Variants in NDUFS4 observed in about 807,000 individuals in gnomAD.
NDUFS4 encodes the protein NADH:ubiquinone oxidoreductase subunit S4, also known as NADH dehydrogenase [ubiquinone] iron-sulfur protein 4, mitochondrial.
NDUFS4 carries 28 observed loss-of-function variants against 24.3 expected under a neutral mutation model. That is an observed-to-expected ratio of 1.15 (90% CI 0.85 to 1.58). The LOEUF (loss-of-function observed/expected upper bound fraction) is 1.58, where lower values mean the gene tolerates loss of function less well. Among genes scored for constraint, NDUFS4 ranks in the 40% most tolerant of loss-of-function variants. The pLI is 0.00. For synonymous variants in NDUFS4, 93 were observed against 69.7 expected, an observed-to-expected ratio of 1.34 and a Z score of -1.67; for missense variants, 223 against 207.9, an observed-to-expected ratio of 1.07 and a Z score of -0.45.
At chr5:53,633,066 C>A (rs985328024) in intron 2 of NDUFS4, among the ~76,000 whole-genome samples, 2 of 152,176 alleles carry the variant, frequency 1.3e-5, no homozygotes, top group African/African-American at 4.8e-5. Context: ...TATGCTTTAT[C>A]AAGACTCAGC....
intron 1 of NDUFS4, chr5:53,573,735 T>C (rs1453757353): frequency 6.9e-6 from 2 of 288,760 alleles, no homozygotes; most frequent in Non-Finnish European, 1.4e-5. Context: ...ACTATAGGCA[T>C]GTACCACTAA....
At chr5:53,605,780 T>A (rs1468494898) in intron 2 of NDUFS4, among the ~76,000 whole-genome samples, 1 of 152,060 alleles carries the variant, frequency 6.6e-6, no homozygotes, top group Admixed American at 6.6e-5. Context: ...TTTGGGAGGC[T>A]GAGGCGGGCA....
rs1281720859 is a variant in NDUFS4, at chr5:53,658,609, T to C, written c.409T>C (p.Phe137Leu). 1 of 1,612,484 alleles carries C rather than the reference T, an allele frequency of 6.2e-7. No individual in the cohort carries two copies. Among genetic ancestry groups the C allele is most frequent in the African/African-American group, 1.3e-5 (1 of 74,820 alleles). Residue 137 changes from phenylalanine (F) to leucine (L), a missense_variant, in exon 4 of 5, where the codon TTT becomes CTT. By Grantham distance (22) the Phe-to-Leu change is conservative. Transcript: ENST00000296684. ...TFSTKEDAVS[F>L]AEKNGWSYDI... The stretch of plus-strand genomic sequence containing the variant: ...CAGTACTAAAGAAGATGCAGTTTCC[T>C]TTGCAGAAAAAAATGGTATGTTTGG...
intron 4 of NDUFS4, among the ~76,000 whole-genome samples, chr5:53,680,838 TATAATA>T (rs1008434499): frequency 6.6e-6 from 1 of 151,804 alleles, no homozygotes; most frequent in Non-Finnish European, 1.5e-5. Context: ...TAAAACTTAG[TATAATA>T]ATAATAAAAA....
intron 3 of NDUFS4, among the ~76,000 whole-genome samples, chr5:53,656,819 G>A (rs1207656752): frequency 2.0e-5 from 3 of 152,100 alleles, no homozygotes; most frequent in Non-Finnish European, 4.4e-5. Context: ...AGTCAAGGAG[G>A]CAGAAAGATT....
chr5:53,661,691 T>C (rs192548011), intron 4 of NDUFS4, among the ~76,000 whole-genome samples: 3 of 152,350 alleles, frequency 2.0e-5, no homozygotes, highest in African/African-American at 7.2e-5. Context: ...CAGTGGTTTG[T>C]AGTTCTCCTT....
At chr5:53,676,616 A>C (rs1015214440) in intron 4 of NDUFS4, among the ~76,000 whole-genome samples, 1 of 152,198 alleles carries the variant, frequency 6.6e-6, no homozygotes, top group Non-Finnish European at 1.5e-5. Context: ...ACCAAAAAGC[A>C]GCACAGAAAT....
rs752077104 is a variant in NDUFS4, at chr5:53,683,191, G to A, written c.498G>A (p.Trp166Ter). The A allele has an allele frequency of 1.2e-6, 2 of 1,610,944 alleles. No individual in the cohort carries two copies. The highest frequency in any genetic ancestry group is 2.2e-5 in the South Asian group (2 of 90,994). ...KSKSYGANFS[W>*]NKRTRVSTK ...AGTCTTATGGTGCAAACTTTTCTTG[G>A]AACAAAAGAACAAGAGTATCCACAA... The change falls in exon 5 of 5, where the codon TGG becomes TGA. Residue 166 changes from tryptophan to a stop codon, truncating the protein, a stop_gained. Transcript: ENST00000296684. LOFTEE classifies it high-confidence loss of function.
intron 1 of NDUFS4, among the ~76,000 whole-genome samples, chr5:53,583,701 A>T (rs1282739274): frequency 6.6e-6 from 1 of 152,230 alleles, no homozygotes. Context: ...TTTAAATATT[A>T]TAGGTATTGT....
intron 2 of NDUFS4, among the ~76,000 whole-genome samples, chr5:53,621,690 A>AT (rs58169759): frequency 0.021 from 1,732 of 81,570 alleles, 166 homozygotes; most frequent in South Asian, 0.028. Context: ...CTCATAGTAA[A>AT]TTTTTTTTTT....
rs145220042 is a variant in NDUFS4, at chr5:53,563,308, A to G, written c.98+2548A>G. 9.9e-4 allele frequency among the ~76,000 whole-genome samples: 150 copies of G among 151,944 alleles called. 1 individual carries two copies. The highest frequency in any genetic ancestry group is 3.1e-3 in the African/African-American group (127 of 41,478). On this transcript the variant is annotated intron_variant, in intron 1 of 4. Coordinates refer to ENST00000296684, the MANE Select transcript of NDUFS4 (RefSeq NM_002495.4). Reference sequence around the variant, plus strand: ...ATTAACATATTAATTCAATTATAGTATATCATCAGTGAAAAGCAAAACAAA... The same window carrying G: ...ATTAACATATTAATTCAATTATAGTGTATCATCAGTGAAAAGCAAAACAAA...
intron 1 of NDUFS4, among the ~76,000 whole-genome samples, chr5:53,570,592 A>G (rs1749176954): frequency 6.6e-6 from 1 of 152,154 alleles, no homozygotes. Context: ...ACCGTTTTCC[A>G]GAGTGGTTGT....
In NDUFS4 at chr5:53,632,938, T is replaced by C. The variant is rs1751446204; in HGVS notation, c.178-13295T>C. ...CTTTAAAAATGTGCTCAGTTATTGA[T>C]GTTCTCAATTCTCTTTATAAAACAT... On this transcript the variant is annotated intron_variant, in intron 2 of 4. Transcript: ENST00000296684. Among the ~76,000 whole-genome samples the C allele has an allele frequency of 2.0e-5, 3 of 152,198 alleles. No homozygotes were observed. The South Asian group carries it at 6.2e-4, about 32-fold the overall frequency.
intron 1 of NDUFS4, 82 bp downstream of exon 1, chr5:53,560,842 A>C: frequency 1.9e-6 from 3 of 1,602,742 alleles, no homozygotes; most frequent in Middle Eastern, 3.7e-4. Context: ...GTTCCGGAGG[A>C]GGCCTCGGGG....
intron 4 of NDUFS4, among the ~76,000 whole-genome samples, chr5:53,672,663 T>C (rs1283057326): frequency 6.6e-6 from 1 of 152,168 alleles, no homozygotes; most frequent in African/African-American, 2.4e-5. Flanking sequence ...CAAGAGATTA[T>C]TTGTGATCAC....
intron 1 of NDUFS4, among the ~76,000 whole-genome samples, chr5:53,586,465 C>A (rs1443300173): frequency 6.6e-6 from 1 of 151,956 alleles, no homozygotes; most frequent in East Asian, 1.9e-4. Flanking sequence ...AGGTAGCAAA[C>A]TTTACTGTAG....
intron 1 of NDUFS4, among the ~76,000 whole-genome samples, chr5:53,580,519 C>T (rs1462390842): frequency 6.6e-6 from 1 of 152,186 alleles, no homozygotes; most frequent in Non-Finnish European, 1.5e-5. Context: ...TGTATCTTTT[C>T]CATGAATTCT....
At chr5:53,587,103 C>T (rs1388975425) in intron 1 of NDUFS4, among the ~76,000 whole-genome samples, 7 of 152,040 alleles carry the variant, frequency 4.6e-5, no homozygotes, top group African/African-American at 1.4e-4. Flanking sequence ...GGATTACAGG[C>T]GTGAACCATT....
Position 53,658,344 on chromosome 5 carries a change from T to A in NDUFS4, c.351-207T>A, listed in dbSNP as rs1050258562. 1.5e-4 allele frequency among the ~76,000 whole-genome samples: 23 copies of A among 152,196 alleles called. 1 individual carries two copies. Among genetic ancestry groups the A allele is most frequent in the Non-Finnish European group, 3.1e-4 (21 of 68,024 alleles). ...ATGCCTTTGCAATTATGAATTTTAT[T>A]ATTTGACAATACATATTAGAAAATC... On this transcript the variant is annotated intron_variant, in intron 3 of 4. Coordinates refer to ENST00000296684, the MANE Select transcript of NDUFS4 (RefSeq NM_002495.4).
Sources: allele counts gnomAD v4.1 joint callset (sites outside exome capture counted in the v4.1 genomes callset), GRCh38; gene constraint gnomAD v4.1.1; transcripts MANE v1.5; gene names NCBI Gene and HGNC (gene_info 2026-07-23, HGNC 2026-07-21).